ZNF609: variants seen among roughly 807,000 people sequenced by gnomAD.
The protein encoded by ZNF609 is zinc finger protein 609.
In ZNF609, 11 loss-of-function variants were observed where a neutral mutation model predicts 109.5. The ratio of observed to expected loss-of-function variants is 0.10; its 90% CI spans 0.06 to 0.17. The LOEUF (loss-of-function observed/expected upper bound fraction) is 0.17. ZNF609 is among the 10% of genes least tolerant of loss of function. ZNF609 has a pLI of 1.00. For synonymous variants in ZNF609, 646 were observed against 662.0 expected, an observed-to-expected ratio of 0.98 and a Z score of 0.37; for missense variants, 1,559 against 1,772.4, an observed-to-expected ratio of 0.88 and a Z score of 2.16.
chr15:64,490,528 C>T (rs531207363), intron 1 of ZNF609, among the ~76,000 whole-genome samples: 1 of 152,250 alleles, frequency 6.6e-6, no homozygotes, highest in Non-Finnish European at 1.5e-5. Flanking sequence ...TCCACCTTGG[C>T]CTCCCAAAGT....
At chr15:64,514,542 C>T (rs1370090174) in intron 2 of ZNF609, among the ~76,000 whole-genome samples, 4 of 152,118 alleles carry the variant, frequency 2.6e-5, no homozygotes, top group African/African-American at 9.7e-5. Flanking sequence ...AGCCTAGTTT[C>T]GCTTTCTTAG....
chr15:64,557,268 A>AT lies in ZNF609; in HGVS notation c.747+57108dup, dbSNP rs540477842. 2.3e-3 allele frequency among the ~76,000 whole-genome samples: 352 copies of AT among 151,382 alleles called. 3 individuals are homozygous for AT. Among genetic ancestry groups the AT allele is most frequent in the African/African-American group, 8.1e-3 (334 of 41,202 alleles). On this transcript the variant is annotated intron_variant, in intron 2 of 9. Coordinates refer to ENST00000326648, the MANE Select transcript of ZNF609 (RefSeq NM_015042.2). ...ATACCTTCTAATAGTAGATGGTCAG[A>AT]TTTTTTGTACGTGCAGTGATTTCAG... is the stretch of plus-strand genomic sequence containing the variant.
At chr15:64,651,241 C>T (rs889292367) in intron 3 of ZNF609, among the ~76,000 whole-genome samples, 17 of 152,136 alleles carry the variant, frequency 1.1e-4, no homozygotes, top group African/African-American at 3.9e-4. Context: ...GGCAGCTTTG[C>T]TTCCTAAGAT....
Position 64,674,056 on chromosome 15 carries a change from C to T in ZNF609, c.1202C>T (p.Thr401Ile). Residue 401 changes from threonine to isoleucine, a missense_variant, in exon 5 of 10, where the codon ACC becomes ATC. Thr to Ile is a moderately conservative substitution (Grantham distance 89). Around this residue, in one of 4 missense-constraint regions of ZNF609, gnomAD observed 1,204 missense variants for 1,314.1 expected, o/e 0.92. Transcript: ENST00000326648. ...DSKGTSNSSKTRAGANSKGRR... is the reference protein window; with the variant it reads ...DSKGTSNSSKIRAGANSKGRR... ...AAAGGGACCAGTAACAGCAGCAAAA[C>T]CCGGGCAGGAGCCAATAGCAAAGGC... 6.2e-7 allele frequency: 1 copy of T among 1,614,182 alleles called. No homozygotes were observed.
At position 64,685,347 on chromosome 15, in the gene ZNF609, C is replaced by A. The variant is rs2083234570; in HGVS notation, c.*3661C>A. 6.5e-6 allele frequency: 1 copy of A among 152,772 alleles called. No homozygotes were observed. 9.5% of individuals were successfully genotyped at this position (152,772 alleles called of 1,614,324 possible). ...CTTCCTCCCAATTTTCCTGTTCTCCCTCAGCTCTCCTGATCTTCCTGGCCC... is the reference window on the plus strand; with the variant it reads ...CTTCCTCCCAATTTTCCTGTTCTCCATCAGCTCTCCTGATCTTCCTGGCCC... On this transcript the variant is annotated 3_prime_UTR_variant, in exon 10 of 10. Transcript: ENST00000326648.
chr15:64,529,679 C>G, intron 2 of ZNF609: 1 of 727,428 alleles, frequency 1.4e-6, no homozygotes, highest in Non-Finnish European at 2.5e-6. Context: ...CATGGTGTCT[C>G]AGGGATGCAG....
intron 3 of ZNF609, among the ~76,000 whole-genome samples, chr15:64,664,675 A>G (rs1368763273): frequency 1.3e-5 from 2 of 152,164 alleles, no homozygotes; most frequent in Non-Finnish European, 2.9e-5. Flanking sequence ...CAGGAAGACT[A>G]TTAAACCTCA....
rs115958943 is a variant in ZNF609 at position 64,578,842 on chromosome 15, G to A, written c.748-43985G>A. ...GGCGAAATCCCATCTGTACAAAAAA[G>A]TACAAAAACTATATGGGTATGGTGG... On this transcript the variant is annotated intron_variant, in intron 2 of 9. Transcript: ENST00000326648. Among the ~76,000 whole-genome samples the A allele has an allele frequency of 8.8e-3, 1,339 of 152,142 alleles. 23 individuals carry two copies. Among genetic ancestry groups the A allele is most frequent in the African/African-American group, 0.031 (1,279 of 41,528 alleles).
At chr15:64,650,445 A>T (rs1255475270) in intron 3 of ZNF609, among the ~76,000 whole-genome samples, 1 of 151,956 alleles carries the variant, frequency 6.6e-6, no homozygotes, top group Non-Finnish European at 1.5e-5. Flanking sequence ...TGTAAAAAAA[A>T]TAGGTAAAGT....
chr15:64,536,518 A>G (rs1445996282), intron 2 of ZNF609, among the ~76,000 whole-genome samples: 1 of 152,028 alleles, frequency 6.6e-6, no homozygotes, highest in African/African-American at 2.4e-5. Context: ...CTGAATTTTG[A>G]GAGTAAAAAC....
intron 3 of ZNF609, among the ~76,000 whole-genome samples, chr15:64,626,297 A>G (rs1895961912): frequency 6.6e-6 from 1 of 152,196 alleles, no homozygotes; most frequent in African/African-American, 2.4e-5. Flanking sequence ...AATTGGGATC[A>G]GAGTTGGTTC....
intron 1 of ZNF609, among the ~76,000 whole-genome samples, chr15:64,466,929 T>G (rs1893023533): frequency 6.6e-6 from 1 of 152,148 alleles, no homozygotes; most frequent in South Asian, 2.1e-4. Context: ...TCTCACCCCT[T>G]TCTTTCTTCC....
intron 7 of ZNF609, 59 bp from the exon 8 acceptor site, chr15:64,680,587 G>T: frequency 7.2e-7 from 1 of 1,384,262 alleles, no homozygotes. Flanking sequence ...GTGTGTGTGT[G>T]TGGTTGTATG....
chr15:64,608,009 C>T (rs1016089519), intron 2 of ZNF609, among the ~76,000 whole-genome samples: 4 of 145,886 alleles, frequency 2.7e-5, no homozygotes, highest in African/African-American at 1.0e-4. Context: ...AGCAATTCTC[C>T]TGCCTCAGCT....
intron 2 of ZNF609, among the ~76,000 whole-genome samples, chr15:64,609,470 C>T (rs898636619): frequency 2.7e-5 from 4 of 150,642 alleles, no homozygotes; most frequent in African/African-American, 4.9e-5. Context: ...CATGAGCCAC[C>T]GCGCCCGGCC....
chr15:64,520,286 C>T lies in ZNF609; in HGVS notation c.747+20120C>T, dbSNP rs555855509. ...TTTATTGTAGGATGTTTCACAGCAT[C>T]CATACCTTTATCATATTCGCTCCAA... On this transcript the variant is annotated intron_variant, in intron 2 of 9. Transcript: ENST00000326648. Among the ~76,000 whole-genome samples, 36 of 152,180 alleles carry T rather than the reference C, an allele frequency of 2.4e-4. No homozygotes were observed. In the South Asian group the frequency reaches 7.5e-3, roughly 32 times the overall value.
chr15:64,673,988 C>T lies in ZNF609; in HGVS notation c.1134C>T (p.Asn378=), dbSNP rs572781751. The change falls in exon 5 of 10, where the codon AAC becomes AAT. Residue 378 remains asparagine, a synonymous_variant. Coordinates refer to ENST00000326648, the MANE Select transcript of ZNF609 (RefSeq NM_015042.2). ...GRGRGKRMRP[N]SNTPVNETAT... is the part of the protein sequence containing the mutation. ...GTAGAGGCAAACGCATGCGTCCCAA[C>T]AGTAATACACCTGTCAATGAGACAG... 7 of 1,614,178 alleles carry T rather than the reference C, an allele frequency of 4.3e-6. No homozygotes were observed. The South Asian group carries it at 6.6e-5, about 15-fold the overall frequency.
chr15:64,574,074 GTTA>G (rs1427112182), intron 2 of ZNF609, among the ~76,000 whole-genome samples: 1 of 151,338 alleles, frequency 6.6e-6, no homozygotes, highest in Admixed American at 6.6e-5. Context: ...CTTCTCTCAT[GTTA>G]TGATTTAGGG....
chr15:64,512,575 T>TA (rs1176388682), intron 2 of ZNF609, among the ~76,000 whole-genome samples: 1 of 152,206 alleles, frequency 6.6e-6, no homozygotes, highest in Non-Finnish European at 1.5e-5. Context: ...GCATTCAAAG[T>TA]AAACATGCTG....
Sources: allele counts gnomAD v4.1 joint callset (sites outside exome capture counted in the v4.1 genomes callset), GRCh38; gene constraint gnomAD v4.1.1; regional missense constraint gnomAD v4.1.1; transcripts MANE v1.5; gene names NCBI Gene and HGNC (gene_info 2026-07-23, HGNC 2026-07-21).